Variants in RIMS1 observed in about 807,000 individuals in gnomAD.
RIMS1 encodes regulating synaptic membrane exocytosis 1.
In RIMS1, 83 loss-of-function variants were observed where a neutral mutation model predicts 214.1. That is an observed-to-expected ratio of 0.39 (90% CI 0.32 to 0.47). The LOEUF (loss-of-function observed/expected upper bound fraction) is 0.47. RIMS1 is among the 20% of genes least tolerant of loss of function. The pLI is 0.99. For missense variants in RIMS1, 2,050 were observed against 2,161.8 expected (o/e 0.95, Z 1.03); for synonymous variants, 793 against 786.8 (o/e 1.01, Z -0.13).
chr6:72,200,568 T>G (rs1452485784), intron 6 of RIMS1, among the ~76,000 whole-genome samples: 1 of 152,168 alleles, frequency 6.6e-6, no homozygotes, highest in Admixed American at 6.6e-5. Flanking sequence ...GCACTAATGC[T>G]CAACAGTTTT....
At chr6:71,970,031 A>G (rs1211787381) in intron 2 of RIMS1, among the ~76,000 whole-genome samples, 2 of 152,198 alleles carry the variant, frequency 1.3e-5, no homozygotes, top group South Asian at 2.1e-4. Context: ...ACATACAGTA[A>G]CATATCATTT....
At chr6:72,216,133 A>T (rs758116299) in intron 6 of RIMS1, among the ~76,000 whole-genome samples, 9 of 152,180 alleles carry the variant, frequency 5.9e-5, no homozygotes, top group Non-Finnish European at 1.0e-4. Context: ...TGTAATTGAG[A>T]TAGTAACATA....
chr6:72,001,476 T>A (rs1458146716), intron 2 of RIMS1, among the ~76,000 whole-genome samples: 1 of 152,176 alleles, frequency 6.6e-6, no homozygotes, highest in African/African-American at 2.4e-5. Flanking sequence ...TTATTGTTAC[T>A]GATGCCTTTT....
intron 29 of RIMS1, among the ~76,000 whole-genome samples, chr6:72,349,879 A>G (rs145133364): frequency 1.1e-4 from 16 of 152,250 alleles, no homozygotes; most frequent in African/African-American, 3.6e-4. Context: ...CATAAAATTT[A>G]TAGAGATTTA....
chr6:72,243,485 A>G (rs1590228375), intron 10 of RIMS1, among the ~76,000 whole-genome samples: 1 of 151,814 alleles, frequency 6.6e-6, no homozygotes, highest in Admixed American at 6.6e-5. Context: ...TTTTTAAAAT[A>G]ACAATACTAC....
intron 26 of RIMS1, among the ~76,000 whole-genome samples, chr6:72,292,503 T>C (rs181284382): frequency 5.5e-4 from 83 of 152,258 alleles, no homozygotes; most frequent in African/African-American, 1.9e-3. Context: ...ATGAAAAAAA[T>C]GACAGAACAC....
At chr6:72,290,295 A>C (rs1303677241) in intron 24 of RIMS1, among the ~76,000 whole-genome samples, 1 of 152,152 alleles carries the variant, frequency 6.6e-6, no homozygotes, top group South Asian at 2.1e-4. Context: ...CATCCTAATT[A>C]CAGTCACTCA....
chr6:71,998,309 C>A (rs1210540426), intron 2 of RIMS1, among the ~76,000 whole-genome samples: 2 of 152,186 alleles, frequency 1.3e-5, no homozygotes, highest in Non-Finnish European at 2.9e-5. Context: ...CTCCACTCTT[C>A]AGTTTCCTGT....
intron 29 of RIMS1, among the ~76,000 whole-genome samples, chr6:72,388,472 GATTAATC>G (rs1334774229): frequency 6.6e-6 from 1 of 152,164 alleles, no homozygotes. Context: ...TTACTTTGGT[GATTAATC>G]ATTATAAGAT....
In RIMS1 at chr6:71,908,198, G is replaced by T. The variant is rs535145293; in HGVS notation, c.164+21011G>T. ...GGAAGAATTGATGGCTAACTTGGGA[G>T]AAATTTAGTCACTTTATCTTCTTTT... On this transcript the variant is annotated intron_variant, in intron 1 of 33. Coordinates refer to ENST00000521978, the MANE Select transcript of RIMS1 (RefSeq NM_014989.7). Among the ~76,000 whole-genome samples the T allele has an allele frequency of 4.6e-5, 7 of 152,292 alleles. No individual in the cohort carries two copies. In the East Asian group the frequency reaches 1.2e-3, roughly 25 times the overall value.
In RIMS1 at chr6:72,031,437, T is replaced by TTG. The variant is rs1818078171; in HGVS notation, c.245+62375_245+62376dup. Among the ~76,000 whole-genome samples, 5 of 152,272 alleles carry TTG rather than the reference T, an allele frequency of 3.3e-5. No individual in the cohort carries two copies. The South Asian group carries it at 1.0e-3, about 32-fold the overall frequency. The stretch of plus-strand genomic sequence containing the variant: ...ATAGCAGTTTATGCTTGAGTATAAT[T>TTG]TGCTAGTGATTCCAAATAAGGAAGT... On this transcript the variant is annotated intron_variant, in intron 2 of 33. Transcript: ENST00000521978.
chr6:72,082,430 A>C (rs1451666700), intron 2 of RIMS1, among the ~76,000 whole-genome samples: 1 of 152,170 alleles, frequency 6.6e-6, no homozygotes, highest in Non-Finnish European at 1.5e-5. Context: ...GGTAGGCATT[A>C]TTATCCTCCT....
intron 1 of RIMS1, among the ~76,000 whole-genome samples, chr6:71,957,602 T>C (rs1411905937): frequency 1.3e-5 from 2 of 150,404 alleles, no homozygotes; most frequent in African/African-American, 5.0e-5. Flanking sequence ...ACATGCAAAG[T>C]AAATACCAGG....
intron 2 of RIMS1, among the ~76,000 whole-genome samples, chr6:72,036,843 A>G (rs1472876236): frequency 1.3e-5 from 2 of 152,198 alleles, no homozygotes; most frequent in Non-Finnish European, 2.9e-5. Context: ...TTCTCAAGCT[A>G]GAAATGAAAG....
At chr6:72,167,741 C>T (rs2046459851) in intron 4 of RIMS1, among the ~76,000 whole-genome samples, 1 of 151,934 alleles carries the variant, frequency 6.6e-6, no homozygotes, top group Non-Finnish European at 1.5e-5. Flanking sequence ...ATAGTACTCT[C>T]TTATTTGTAT....
chr6:72,302,796 C>A (rs1477073250), intron 26 of RIMS1, among the ~76,000 whole-genome samples: 1 of 151,212 alleles, frequency 6.6e-6, no homozygotes, highest in East Asian at 1.9e-4. Flanking sequence ...TATGAGCTGA[C>A]CTTGTTAAAA....
chr6:72,136,748 CAAGTA>C (rs1277054568), intron 4 of RIMS1, among the ~76,000 whole-genome samples: 2 of 151,882 alleles, frequency 1.3e-5, no homozygotes, highest in Non-Finnish European at 2.9e-5. Flanking sequence ...GTGTATCAAA[CAAGTA>C]AAGTATAAAA....
In RIMS1 at chr6:72,290,783, A is replaced by C. The variant is rs1485650014; in HGVS notation, c.3659A>C (p.His1220Pro). ...KHPARSRSSE[H>P]SSIRTLCSMH... ...CCTGCTCGCTCAAGGTCGAGTGAGC[A>C]CTCTAGTATCAGAACACTGTGTTCT... The change falls in exon 25 of 34, where the codon CAC becomes CCC. Residue 1220 changes from histidine (H) to proline (P), a missense_variant. Transcript: ENST00000521978. 8 of 1,613,736 alleles carry C rather than the reference A, an allele frequency of 5.0e-6. No homozygotes were observed. Among genetic ancestry groups the C allele is most frequent in the South Asian group, 1.1e-5 (1 of 91,074 alleles).
At chr6:72,315,305 A>T (rs1011863666) in intron 28 of RIMS1, among the ~76,000 whole-genome samples, 2 of 152,200 alleles carry the variant, frequency 1.3e-5, no homozygotes, top group African/African-American at 4.8e-5. Context: ...GGTGGACCTA[A>T]AAAGAGTATA....
Sources: allele counts gnomAD v4.1 joint callset (sites outside exome capture counted in the v4.1 genomes callset), GRCh38; gene constraint gnomAD v4.1.1; transcripts MANE v1.5; gene names NCBI Gene and HGNC (gene_info 2026-07-23, HGNC 2026-07-21).